The following DMD variants were observed in gnomAD, a reference collection of about 807,000 sequenced individuals.
DMD encodes the protein mutant dystrophin.
Under a neutral mutation model 330.1 loss-of-function variants are expected in DMD, and 63 were observed. That is an observed-to-expected ratio of 0.19 (90% CI 0.16 to 0.24). The LOEUF is 0.24. DMD is among the 10% of genes least tolerant of loss of function. The pLI, the probability that DMD is intolerant of heterozygous loss-of-function variation, is 1.00. For synonymous variants in DMD, 1,223 were observed against 959.8 expected, an observed-to-expected ratio of 1.27 and a Z score of -5.07; for missense variants, 3,344 against 2,684.1, an observed-to-expected ratio of 1.25 and a Z score of -5.43.
intron 41 of DMD, among the ~76,000 whole-genome samples, chrX:32,335,601 A>T (rs1222325761): frequency 6.9e-5 from 2 of 29,115 alleles, no homozygotes; most frequent in African/African-American, 1.1e-4. Flanking sequence ...GTTATATATA[A>T]AACATTATAA....
intron 17 of DMD, among the ~76,000 whole-genome samples, chrX:32,541,606 A>C (rs1027454514): frequency 9.0e-6 from 1 of 111,660 alleles, no homozygotes; most frequent in Non-Finnish European, 1.9e-5. Flanking sequence ...CACTGAGTAC[A>C]CATGGACACA....
chrX:31,433,132 A>G (rs1322048560), intron 60 of DMD, among the ~76,000 whole-genome samples: 1 of 112,173 alleles, frequency 8.9e-6, no homozygotes, highest in Non-Finnish European at 1.9e-5. Context: ...CCTGCTTATA[A>G]GTGAGCACAT....
intron 2 of DMD, among the ~76,000 whole-genome samples, chrX:32,978,576 T>TC (rs34392177): frequency 9.0e-6 from 1 of 111,616 alleles, no homozygotes; most frequent in Non-Finnish European, 1.9e-5. Context: ...CTCAAGTGAT[T>TC]CCCCCACCTC....
intron 12 of DMD, among the ~76,000 whole-genome samples, chrX:32,600,258 T>C (rs751986943): frequency 9.7e-4 from 108 of 111,753 alleles, no homozygotes; most frequent in Non-Finnish European, 1.8e-3. Context: ...TTAGAACACA[T>C]GTAAAATAAT....
intron 44 of DMD, among the ~76,000 whole-genome samples, chrX:31,997,991 A>C (rs1327760573): frequency 9.0e-6 from 1 of 111,637 alleles, no homozygotes; most frequent in African/African-American, 3.3e-5. Context: ...TATATCCATG[A>C]GAAGGCAGTG....
At chrX:31,729,866 A>G in intron 51 of DMD, 118 bp from the exon 52 acceptor site, 2 of 585,277 alleles carry the variant, frequency 3.4e-6, no homozygotes, top group Non-Finnish European at 5.9e-6. Flanking sequence ...AATAAAAAAG[A>G]TGTTACTGTA....
chrX:31,314,779 A>AGAGAGAGT lies in DMD; in HGVS notation c.9224+8818_9224+8819insACTCTCTC, dbSNP rs1225831523. Among the ~76,000 whole-genome samples the AGAGAGAGT allele has an allele frequency of 3.4e-3, 319 of 93,433 alleles. 9 individuals are homozygous for AGAGAGAGT. Among genetic ancestry groups the AGAGAGAGT allele is most frequent in the African/African-American group, 0.013 (296 of 23,250 alleles). The allele number at this position is 93,433 out of a possible 115,157, so 81.1% of individuals were successfully genotyped here. On this transcript the variant is annotated intron_variant, in intron 62 of 78. Transcript: ENST00000357033. The stretch of plus-strand genomic sequence containing the variant: ...GAGAGAGAGAGAGAGAGAGAGAGAG[A>AGAGAGAGT]GTGTTTTACCGTGTTAACATTTTTC...
At chrX:32,085,603 T>TAC (rs1380969565) in intron 44 of DMD, among the ~76,000 whole-genome samples, 1 of 97,756 alleles carries the variant, frequency 1.0e-5, no homozygotes, top group South Asian at 4.5e-4. Flanking sequence ...TATGTATATA[T>TAC]GTGTATATAT....
At chrX:31,646,255 G>T (rs1010093710) in intron 54 of DMD, among the ~76,000 whole-genome samples, 2 of 82,878 alleles carry the variant, frequency 2.4e-5, no homozygotes, top group South Asian at 4.3e-4. Context: ...GTTGTGTGTT[G>T]TGTGTGTGTG....
At chrX:32,331,468 T>G (rs1430416026) in intron 41 of DMD, among the ~76,000 whole-genome samples, 2 of 111,960 alleles carry the variant, frequency 1.8e-5, no homozygotes, top group Non-Finnish European at 3.8e-5. Context: ...TTTGTATTTA[T>G]ATCCAATATT....
intron 30 of DMD, among the ~76,000 whole-genome samples, chrX:32,397,618 AAATCG>A (rs1229691997): frequency 8.9e-6 from 1 of 112,175 alleles, no homozygotes; most frequent in Non-Finnish European, 1.9e-5. Context: ...AAAACAAGTG[AAATCG>A]AATTAACCAT....
intron 60 of DMD, among the ~76,000 whole-genome samples, chrX:31,395,446 C>T (rs370678787): frequency 4.5e-5 from 5 of 112,293 alleles, no homozygotes; most frequent in Non-Finnish European, 9.4e-5. Context: ...GTGTTTATAA[C>T]TGAAGACCGG....
chrX:32,528,643 C>G (rs113627867), intron 17 of DMD, among the ~76,000 whole-genome samples: 2,561 of 111,419 alleles, frequency 0.023, 56 homozygotes, highest in Admixed American at 0.075. Context: ...CTGACACTTA[C>G]ATCAACACAG....
rs192345493 is a variant in DMD at position 33,156,999 on chromosome X, G to A, written c.31+54283C>T. 7.1e-5 allele frequency among the ~76,000 whole-genome samples: 8 copies of A among 112,123 alleles called. No individual in the cohort carries two copies. The East Asian group carries it at 1.7e-3, about 24-fold the overall frequency. On this transcript the variant is annotated intron_variant, in intron 1 of 78. Coordinates refer to ENST00000357033, the MANE Select transcript of DMD (RefSeq NM_004006.3). ...CACGAAACTGATGTCCAATGGAACAGTAAGCTTTGACAGTTCACATTCTTT... is the reference window on the plus strand; with the variant it reads ...CACGAAACTGATGTCCAATGGAACAATAAGCTTTGACAGTTCACATTCTTT...
At chrX:33,249,224 C>T (rs887543565) in intron 1 of DMD, among the ~76,000 whole-genome samples, 6 of 112,288 alleles carry the variant, frequency 5.3e-5, no homozygotes, top group Admixed American at 9.4e-5. Flanking sequence ...AATCTCGGCT[C>T]ATTGCGACCT....
chrX:31,852,199 C>A (rs1161924851), intron 48 of DMD, among the ~76,000 whole-genome samples: 4 of 111,515 alleles, frequency 3.6e-5, no homozygotes, highest in Non-Finnish European at 7.5e-5. Flanking sequence ...TATTTTTAAA[C>A]AGATCATTCT....
At chrX:32,831,876 C>G (rs1282800076) in intron 4 of DMD, among the ~76,000 whole-genome samples, 1 of 110,914 alleles carries the variant, frequency 9.0e-6, no homozygotes, top group Non-Finnish European at 1.9e-5. Context: ...AAAGTTATAT[C>G]TCATTCACAG....
chrX:33,078,906 A>C (rs1184656739), intron 1 of DMD, among the ~76,000 whole-genome samples: 5 of 112,287 alleles, frequency 4.5e-5, no homozygotes, highest in Admixed American at 3.8e-4. Flanking sequence ...ATACAGTCCA[A>C]AGAAAACCAA....
chrX:32,675,544 C>G (rs1042642092), intron 9 of DMD, among the ~76,000 whole-genome samples: 5 of 111,350 alleles, frequency 4.5e-5, no homozygotes, highest in African/African-American at 6.5e-5. Flanking sequence ...TATATTCATC[C>G]ACTTTTAGTA....
Sources: gnomAD v4.1 joint callset for allele counts (sites outside exome capture counted in the v4.1 genomes callset) on GRCh38, gnomAD v4.1.1 for gene constraint, MANE v1.5 for transcripts, NCBI Gene and HGNC (gene_info 2026-07-23, HGNC 2026-07-21) for gene names.